PBRM1: variants seen among roughly 807,000 people sequenced by gnomAD.
PBRM1 encodes protein polybromo-1.
A neutral mutation model predicts 194.5 loss-of-function variants in PBRM1; 27 were observed. That is an observed-to-expected ratio of 0.14 (90% CI 0.10 to 0.19). The LOEUF (loss-of-function observed/expected upper bound fraction) is 0.19. Among genes scored for constraint, PBRM1 ranks in the 10% least tolerant of loss-of-function variants. The pLI is 1.00. For synonymous variants in PBRM1, 655 were observed against 693.2 expected, an observed-to-expected ratio of 0.94 and a Z score of 0.87; for missense variants, 1,466 against 2,077.2, an observed-to-expected ratio of 0.71 and a Z score of 5.72.
intron 29 of PBRM1, among the ~76,000 whole-genome samples, chr3:52,548,947 A>G (rs956686230): frequency 9.2e-5 from 14 of 152,194 alleles, no homozygotes; most frequent in Admixed American, 5.2e-4. Flanking sequence ...CTGAAAATAC[A>G]TAAGTATGTT....
chr3:52,606,608 C>T (rs1035621186), intron 16 of PBRM1, among the ~76,000 whole-genome samples: 6 of 152,118 alleles, frequency 3.9e-5, no homozygotes, highest in African/African-American at 1.2e-4. Context: ...TATTAGTCTA[C>T]GAGGTCAGGT....
At chr3:52,684,383 T>C (rs1438329189), upstream of PBRM1, among the ~76,000 whole-genome samples, 1 of 152,004 alleles carries the variant, frequency 6.6e-6, no homozygotes, top group African/African-American at 2.4e-5. Flanking sequence ...CGACTTACTA[T>C]AGACAAACAG....
intron 22 of PBRM1, among the ~76,000 whole-genome samples, chr3:52,571,485 G>T (rs1435317376): frequency 1.3e-5 from 2 of 151,190 alleles, no homozygotes; most frequent in Non-Finnish European, 2.9e-5. Context: ...AATTATCCTG[G>T]CATGGTGGCG....
At chr3:52,681,948 A>G (rs576382610), upstream of PBRM1, 4 of 162,372 alleles carry the variant, frequency 2.5e-5, no homozygotes, top group East Asian at 5.5e-4. Context: ...GAACTGGAGA[A>G]AACAGGCATA....
chr3:52,643,501 G>A (rs944847582), intron 8 of PBRM1, among the ~76,000 whole-genome samples, 158 bp from the exon 10 acceptor site: 10 of 152,164 alleles, frequency 6.6e-5, no homozygotes, highest in African/African-American at 2.4e-4. Context: ...CAGGCCCTGG[G>A]GACTCTGCGG....
chr3:52,640,918 T>C (rs566458169), intron 10 of PBRM1, among the ~76,000 whole-genome samples: 21 of 152,198 alleles, frequency 1.4e-4, no homozygotes, highest in African/African-American at 4.6e-4. Context: ...AGATCACAGG[T>C]GTGAGCCACT....
At chr3:52,550,756 A>G (rs781237232) in exon 28 of PBRM1, 1 of 1,611,562 alleles carries the variant, frequency 6.2e-7, no homozygotes, top group South Asian at 1.1e-5. Flanking sequence ...CCTGTTGTCC[A>G]TATGGACTTC....
At chr3:52,656,362 T>C (rs2096607170) in intron 5 of PBRM1, among the ~76,000 whole-genome samples, 2 of 152,054 alleles carry the variant, frequency 1.3e-5, no homozygotes, top group Admixed American at 6.6e-5. Context: ...AAGTTTCCAC[T>C]CTTAAAAATG....
At chr3:52,576,423 G>A (rs1221334865) in intron 22 of PBRM1, 118 bp downstream of exon 24, 3 of 609,480 alleles carry the variant, frequency 4.9e-6, no homozygotes, top group Non-Finnish European at 8.1e-6. Flanking sequence ...TAAGAGAACA[G>A]AGATTTGGAT....
chr3:52,629,441 A>G (rs1367769054), intron 11 of PBRM1, among the ~76,000 whole-genome samples: 2 of 152,186 alleles, frequency 1.3e-5, no homozygotes, highest in African/African-American at 4.8e-5. Flanking sequence ...ATGGTGATCT[A>G]CCCATTTCTG....
At chr3:52,610,129 G>A (rs2094534756) in intron 15 of PBRM1, among the ~76,000 whole-genome samples, 174 bp from the exon 18 acceptor site, 1 of 152,046 alleles carries the variant, frequency 6.6e-6, no homozygotes, top group Admixed American at 6.6e-5. Flanking sequence ...TTTTTTAACT[G>A]TTTTCAGTAA....
intron 11 of PBRM1, among the ~76,000 whole-genome samples, chr3:52,630,170 A>G (rs935715880): frequency 6.6e-6 from 1 of 152,064 alleles, no homozygotes; most frequent in African/African-American, 2.4e-5. Flanking sequence ...AAACCTGCAG[A>G]TATTTATCAG....
At chr3:52,572,991 TG>T (rs1261622015) in intron 22 of PBRM1, among the ~76,000 whole-genome samples, 1 of 152,250 alleles carries the variant, frequency 6.6e-6, no homozygotes, top group Non-Finnish European at 1.5e-5. Context: ...GATTACTAGA[TG>T]CATTTTCTTT....
At chr3:52,556,834 A>ATT (rs567680030) in intron 26 of PBRM1, among the ~76,000 whole-genome samples, 30 of 151,980 alleles carry the variant, frequency 2.0e-4, no homozygotes, top group Non-Finnish European at 3.5e-4. Context: ...CACCCTAAAT[A>ATT]ATGGAGCAGG....
chr3:52,632,692 T>TC, intron 11 of PBRM1, among the ~76,000 whole-genome samples: 1 of 151,648 alleles, frequency 6.6e-6, no homozygotes, highest in East Asian at 1.9e-4. Context: ...TGACCTTTTT[T>TC]TTTTTTTTTT....
chr3:52,622,839 GCTA>G (rs2095327005), intron 13 of PBRM1, among the ~76,000 whole-genome samples: 1 of 152,012 alleles, frequency 6.6e-6, no homozygotes, highest in Non-Finnish European at 1.5e-5. Flanking sequence ...TTCCTCTAAA[GCTA>G]CTATTTATTT....
At chr3:52,573,049 G>A (rs1400850469) in intron 22 of PBRM1, among the ~76,000 whole-genome samples, 1 of 152,100 alleles carries the variant, frequency 6.6e-6, no homozygotes, top group African/African-American at 2.4e-5. Context: ...TTATATGCCT[G>A]TTGTCCTACC....
chr3:52,619,244 T>C (rs56108136), intron 13 of PBRM1, among the ~76,000 whole-genome samples: 2,285 of 152,322 alleles, frequency 0.015, 27 homozygotes, highest in Non-Finnish European at 0.021. Flanking sequence ...AGTATAGTCA[T>C]CCCTTGGTAT....
chr3:52,683,020 T>G (rs2097235099), upstream of PBRM1, among the ~76,000 whole-genome samples: 2 of 151,734 alleles, frequency 1.3e-5, no homozygotes. Flanking sequence ...GCTAACACGG[T>G]GAAACCCCGT....
Sources: allele counts gnomAD v4.1 joint callset (sites outside exome capture counted in the v4.1 genomes callset), GRCh38; gene constraint gnomAD v4.1.1; transcripts MANE v1.5; gene names NCBI Gene and HGNC (gene_info 2026-07-23, HGNC 2026-07-21).